Variants in RND1 observed in about 807,000 individuals in gnomAD.
RND1 encodes the protein Rho family GTPase 1.
Under a neutral mutation model 27.1 loss-of-function variants are expected in RND1, and 9 were observed. The observed-to-expected ratio is 0.33, with a 90% CI of 0.20 to 0.58. The LOEUF is 0.58. Ranked by LOEUF, RND1 falls within the 20% of genes least tolerant of loss-of-function variation. RND1 has a pLI of 0.86. For synonymous variants in RND1, 108 were observed against 115.7 expected (o/e 0.93, Z 0.43); for missense variants, 253 against 292.2 (o/e 0.87, Z 0.98).
intron 4 of RND1, chr12:48,858,547 G>A (rs112302099): frequency 5.1e-5 from 15 of 294,030 alleles, no homozygotes; most frequent in African/African-American, 2.0e-4. Context: ...GCAGTGGCTA[G>A]TGCCTCTAAT....
intron 2 of RND1, among the ~76,000 whole-genome samples, chr12:48,864,416 T>TGTGTGTGTGTGTGTGTGTGCGC (rs141121524): frequency 9.6e-5 from 13 of 135,456 alleles, no homozygotes; most frequent in Middle Eastern, 3.5e-3. Flanking sequence ...TGTGTGTGTG[T>TGTGTGTGTGTGTGTGTGTGCGC]GCGCGCGCGC....
chr12:48,865,362 C>T (rs887739038), intron 1 of RND1: 2 of 476,904 alleles, frequency 4.2e-6, no homozygotes, highest in Admixed American at 3.3e-5. Flanking sequence ...AGTGCCCTCA[C>T]CTGAGAGCAG....
At position 48,864,780 on chromosome 12, in the gene RND1, T is replaced by C. The variant is rs1023626862; in HGVS notation, c.208+3A>G. The C allele has an allele frequency of 3.1e-6, 5 of 1,608,116 alleles. No individual in the cohort carries two copies. The highest frequency in any genetic ancestry group is 1.3e-5 in the African/African-American group (1 of 74,794). On this transcript the variant is annotated splice_donor_region_variant and intron_variant, in intron 2 of 4. Transcript: ENST00000309739. ...AAAGGGGTATTTGGAGCAGAATTCTTACCTGAGGTATCCCAGAGACTAAGC... is the reference window on the plus strand; with the variant it reads ...AAAGGGGTATTTGGAGCAGAATTCTCACCTGAGGTATCCCAGAGACTAAGC...
intron 4 of RND1, 66 bp downstream of exon 4, chr12:48,860,931 T>C: frequency 6.2e-7 from 1 of 1,606,408 alleles, no homozygotes; most frequent in Non-Finnish European, 8.5e-7. Flanking sequence ...CAGGGCCATA[T>C]TTCAAGCTGT....
At chr12:48,863,260 T>C (rs1488897854) in intron 2 of RND1, among the ~76,000 whole-genome samples, 1 of 152,158 alleles carries the variant, frequency 6.6e-6, no homozygotes, top group East Asian at 1.9e-4. Context: ...TCCTTCCTTA[T>C]GGGAACCTAA....
Position 48,865,819 on chromosome 12 carries a change from C to A in RND1, c.-52G>T. The A allele has an allele frequency of 6.5e-7, 1 of 1,538,904 alleles. No individual in the cohort carries two copies. Among genetic ancestry groups the A allele is most frequent in the Non-Finnish European group, 8.8e-7 (1 of 1,136,708 alleles). On this transcript the variant is annotated 5_prime_UTR_variant, in exon 1 of 5. Transcript: ENST00000309739. ...TTCGATTCAGAAGGGAGGGTTGCGCCAGGTGCGTCTCAGCACGCCAATCAA... is the reference window on the plus strand; with the variant it reads ...TTCGATTCAGAAGGGAGGGTTGCGCAAGGTGCGTCTCAGCACGCCAATCAA...
rs558245397 is a variant in RND1, at chr12:48,863,329, G to C, written c.209-1211C>G. Among the ~76,000 whole-genome samples, 415 of 151,984 alleles carry C rather than the reference G, an allele frequency of 2.7e-3. 1 individual carries two copies. Among genetic ancestry groups the C allele is most frequent in the Middle Eastern group, 6.8e-3 (2 of 294 alleles). On this transcript the variant is annotated intron_variant, in intron 2 of 4. Transcript: ENST00000309739. ...CTTTATCCTTTCGGAAATTGGGGGTGGGGGTGTGACACAGGGAACAGAGAC... is the reference window on the plus strand; with the variant it reads ...CTTTATCCTTTCGGAAATTGGGGGTCGGGGTGTGACACAGGGAACAGAGAC...
Position 48,858,102 on chromosome 12 carries a change from C to T in RND1, c.593G>A (p.Ser198Asn), listed in dbSNP as rs756243824. The change falls in exon 5 of 5, where the codon AGC becomes AAC. Residue 198 changes from serine to asparagine, a missense_variant. Transcript: ENST00000309739. ...TCGTTTGGAGAGGCTTCGGACAGGG[C>T]TCTTCTGGGGCAGTGGGCTAGGCTT... ...LNKPSPLPQK[S>N]PVRSLSKRLL... The T allele has an allele frequency of 7.4e-6, 12 of 1,614,108 alleles. No individual in the cohort carries two copies. The highest frequency in any genetic ancestry group is 3.3e-5 in the Admixed American group (2 of 60,010).
chr12:48,860,979 A>C lies in RND1; in HGVS notation c.453+18T>G. The stretch of plus-strand genomic sequence containing the variant: ...TTCCTCACTCCACCCCACGACATGC[A>C]CTTGCATGCGCACACACCTGCTCAT... On this transcript the variant is annotated intron_variant, in intron 4 of 4. Coordinates refer to ENST00000309739, the MANE Select transcript of RND1 (RefSeq NM_014470.4). 1 of 1,612,674 alleles carries C rather than the reference A, an allele frequency of 6.2e-7. No homozygotes were observed. The highest frequency in any genetic ancestry group is 2.2e-5 in the East Asian group (1 of 44,884).
chr12:48,862,888 C>A (rs1938934312), intron 2 of RND1, among the ~76,000 whole-genome samples: 1 of 152,088 alleles, frequency 6.6e-6, no homozygotes, highest in Admixed American at 6.6e-5. Context: ...GGATTTGGAA[C>A]CCAGACAATC....
intron 4 of RND1, among the ~76,000 whole-genome samples, chr12:48,860,124 C>T (rs1938901695): frequency 6.6e-6 from 1 of 150,814 alleles, no homozygotes; most frequent in African/African-American, 2.4e-5. Flanking sequence ...CACTCTGTCG[C>T]CCAGGTGGGA....
chr12:48,864,989 A>G (rs567542571), intron 1 of RND1, 119 bp from the exon 2 acceptor site: 16 of 791,428 alleles, frequency 2.0e-5, no homozygotes, highest in African/African-American at 1.5e-4. Context: ...AAGAAACCAG[A>G]GGAGATGCCT....
In RND1 at chr12:48,865,802, A is replaced by G. The variant is rs760450438; in HGVS notation, c.-35T>C. On this transcript the variant is annotated 5_prime_UTR_variant, in exon 1 of 5. Transcript: ENST00000309739. Reference sequence around the variant, plus strand: ...GTCCGCGGGACTTGAACTTCGATTCAGAAGGGAGGGTTGCGCCAGGTGCGT... The same window carrying G: ...GTCCGCGGGACTTGAACTTCGATTCGGAAGGGAGGGTTGCGCCAGGTGCGT... 1 of 1,555,030 alleles carries G rather than the reference A, an allele frequency of 6.4e-7. No individual in the cohort carries two copies. Among genetic ancestry groups the G allele is most frequent in the Non-Finnish European group, 8.7e-7 (1 of 1,144,118 alleles).
rs141121524 is a variant in RND1 at position 48,864,416 on chromosome 12, T to TGTGTGTGTGTGCGCGCGC, written c.208+366_208+367insGCGCGCGCACACACACAC. On this transcript the variant is annotated intron_variant, in intron 2 of 4. Transcript: ENST00000309739. ...GTGTGTGTGTGTGTGTGTGTGTGTG[T>TGTGTGTGTGTGCGCGCGC]GCGCGCGCGCGCGTGTGTGTGCATG... Among the ~76,000 whole-genome samples, 102 of 135,550 alleles carry TGTGTGTGTGTGCGCGCGC rather than the reference T, an allele frequency of 7.5e-4. 1 individual carries two copies. Among genetic ancestry groups the TGTGTGTGTGTGCGCGCGC allele is most frequent in the African/African-American group, 2.3e-3 (85 of 36,856 alleles). 88.9% of individuals were successfully genotyped at this position (135,550 alleles called of 152,430 possible).
chr12:48,862,868 G>C (rs892590893), intron 2 of RND1, among the ~76,000 whole-genome samples: 12 of 152,120 alleles, frequency 7.9e-5, no homozygotes, highest in African/African-American at 2.9e-4. Context: ...CCTGGGGAAG[G>C]AGCAGTAGCG....
chr12:48,857,970 G>GT lies in RND1; in HGVS notation c.*25dup, dbSNP rs769109286. 4 of 1,566,814 alleles carry GT rather than the reference G, an allele frequency of 2.6e-6. No homozygotes were observed. Among genetic ancestry groups the GT allele is most frequent in the Non-Finnish European group, 3.5e-6 (4 of 1,156,208 alleles). On this transcript the variant is annotated 3_prime_UTR_variant, in exon 5 of 5. Coordinates refer to ENST00000309739, the MANE Select transcript of RND1 (RefSeq NM_014470.4). The stretch of plus-strand genomic sequence containing the variant: ...TGCACCCCAAGGGAGGAAGTAGGGG[G>GT]TTGTCTCCCCCCTCCAATTTCCACT...
intron 3 of RND1, 57 bp from the exon 4 acceptor site, chr12:48,861,188 G>T: frequency 1.3e-6 from 2 of 1,536,678 alleles, no homozygotes; most frequent in Non-Finnish European, 1.8e-6. Context: ...AGAGTTAGTG[G>T]CAGACAGATA....
In RND1 at chr12:48,858,250, G is replaced by A. The variant is rs754036538; in HGVS notation, c.454-9C>T. ...TTTGCTATTGCACAACCCTGCAGGA[G>A]GGGGTGAGGGCATTAATGCAGTGGG... On this transcript the variant is annotated splice_polypyrimidine_tract_variant and intron_variant, in intron 4 of 4. Coordinates refer to ENST00000309739, the MANE Select transcript of RND1 (RefSeq NM_014470.4). 6.2e-6 allele frequency: 10 copies of A among 1,613,134 alleles called. No homozygotes were observed. In the South Asian group the frequency reaches 1.1e-4, roughly 18 times the overall value.
rs1053017037 is a variant in RND1, at chr12:48,857,304, G to C, written c.*692C>G. The C allele has an allele frequency of 6.7e-6, 1 of 150,350 alleles. No individual in the cohort carries two copies. The highest frequency in any genetic ancestry group is 2.5e-5 in the African/African-American group (1 of 40,510). The allele number at this position is 150,350 out of a possible 1,614,324, so 9.3% of individuals were successfully genotyped here. A position where few individuals can be genotyped will look rare whatever the true frequency, so the allele number is the denominator to read the frequency against. On this transcript the variant is annotated 3_prime_UTR_variant, in exon 5 of 5. Coordinates refer to ENST00000309739, the MANE Select transcript of RND1 (RefSeq NM_014470.4). ...CTACCCTAAGGGCAGAAAAAGTCTG[G>C]TGACCCCCACCCAGCCCTGCCCCTG...
Sources: gnomAD v4.1 joint callset for allele counts (sites outside exome capture counted in the v4.1 genomes callset) on GRCh38, gnomAD v4.1.1 for gene constraint, MANE v1.5 for transcripts, NCBI Gene and HGNC (gene_info 2026-07-23, HGNC 2026-07-21) for gene names.